Variants in FREM1 observed in about 807,000 individuals in gnomAD.
FREM1 encodes FRAS1 related extracellular matrix 1, also known as FRAS1-related extracellular matrix protein 1.
Under a neutral mutation model 210.1 loss-of-function variants are expected in FREM1, and 220 were observed. The observed-to-expected ratio is 1.05, with a 90% CI of 0.94 to 1.17. The LOEUF (loss-of-function observed/expected upper bound fraction) is 1.17. FREM1 is among the 50% of genes most tolerant of loss of function. The pLI is 0.00. For missense variants in FREM1, 3,454 were observed against 2,675.5 expected (o/e 1.29, Z -6.42); for synonymous variants, 1,189 against 980.2 (o/e 1.21, Z -3.98).
intron 15 of FREM1, among the ~76,000 whole-genome samples, chr9:14,813,561 A>G (rs1819770446): frequency 6.6e-6 from 1 of 152,214 alleles, no homozygotes; most frequent in African/African-American, 2.4e-5. Context: ...AATAAGCAGC[A>G]GCTGCATTTC....
chr9:14,907,645 G>A (rs568125069), intron 1 of FREM1, among the ~76,000 whole-genome samples: 1 of 152,334 alleles, frequency 6.6e-6, no homozygotes, highest in Admixed American at 6.5e-5. Flanking sequence ...GCCCTGAAAA[G>A]ATTACACTTG....
At chr9:14,904,141 T>C (rs559133179) in intron 1 of FREM1, among the ~76,000 whole-genome samples, 49 of 147,164 alleles carry the variant, frequency 3.3e-4, no homozygotes, top group African/African-American at 1.2e-3. Context: ...AAAAAAACAC[T>C]TAGACATTTC....
intron 1 of FREM1, among the ~76,000 whole-genome samples, chr9:14,894,456 T>A (rs922569447): frequency 6.6e-6 from 1 of 152,190 alleles, no homozygotes; most frequent in African/African-American, 2.4e-5. Context: ...CAGGTGTTCT[T>A]AAATGCAGGT....
chr9:14,776,343 A>G, intron 24 of FREM1, 140 bp from the exon 25 acceptor site: 1 of 932,944 alleles, frequency 1.1e-6, no homozygotes, highest in Non-Finnish European at 1.5e-6. Context: ...CAGATCTTGC[A>G]GAAAAATCCC....
intron 26 of FREM1, 56 bp downstream of exon 26, chr9:14,770,549 C>G: frequency 2.2e-6 from 3 of 1,345,158 alleles, no homozygotes; most frequent in Non-Finnish European, 3.2e-6. Context: ...CTCTCTAGCC[C>G]TGCCAGCCAC....
chr9:14,749,871 T>C (rs561488682), intron 30 of FREM1, among the ~76,000 whole-genome samples: 5 of 152,214 alleles, frequency 3.3e-5, no homozygotes, highest in African/African-American at 4.8e-5. Context: ...TCCCCCTCGG[T>C]GAGAACAACA....
rs1840555318 is a variant in FREM1, at chr9:14,737,228, T to TCAA, written c.*167_*168insTTG. ...TATCTTATCTTGTAAAAAATATTTA[T>TCAA]TTATCAATCTTTCTGGCACTATTAA... On this transcript the variant is annotated 3_prime_UTR_variant, in exon 37 of 37. Coordinates refer to ENST00000380880, the MANE Select transcript of FREM1 (RefSeq NM_001379081.2). 3.8e-6 allele frequency: 2 copies of TCAA among 531,010 alleles called. No homozygotes were observed. Among genetic ancestry groups the TCAA allele is most frequent in the African/African-American group, 1.9e-5 (1 of 52,110 alleles). 32.9% of individuals were successfully genotyped at this position (531,010 alleles called of 1,614,324 possible). A position where few individuals can be genotyped will look rare whatever the true frequency, so the allele number is the denominator to read the frequency against.
chr9:14,855,200 T>A (rs985897458), intron 5 of FREM1, among the ~76,000 whole-genome samples: 1 of 152,066 alleles, frequency 6.6e-6, no homozygotes, highest in African/African-American at 2.4e-5. Flanking sequence ...TGACAAAGAA[T>A]AAGTAGGTAA....
intron 29 of FREM1, among the ~76,000 whole-genome samples, chr9:14,755,537 G>C (rs918512100): frequency 6.6e-6 from 1 of 152,176 alleles, no homozygotes; most frequent in East Asian, 1.9e-4. Flanking sequence ...CAGGGAAATA[G>C]AGAGTGGCAT....
chr9:14,853,298 C>T (rs1828102087), intron 5 of FREM1, among the ~76,000 whole-genome samples: 1 of 152,150 alleles, frequency 6.6e-6, no homozygotes, highest in Admixed American at 6.5e-5. Flanking sequence ...GCCTAGTGGG[C>T]AGAGGGCTGG....
intron 1 of FREM1, among the ~76,000 whole-genome samples, chr9:14,895,646 T>C (rs1321349701): frequency 1.3e-5 from 2 of 152,016 alleles, no homozygotes; most frequent in South Asian, 2.1e-4. Context: ...ATATTGCTGT[T>C]GTACTCTTTG....
At chr9:14,805,188 A>C (rs1818139544) in intron 18 of FREM1, 36 bp from the exon 19 acceptor site, 1 of 1,372,036 alleles carries the variant, frequency 7.3e-7, no homozygotes, top group African/African-American at 1.4e-5. Flanking sequence ...TAAATAAAAA[A>C]AAAATTTTTC....
At chr9:14,830,953 G>C (rs932203101) in intron 10 of FREM1, among the ~76,000 whole-genome samples, 18 of 152,162 alleles carry the variant, frequency 1.2e-4, no homozygotes, top group African/African-American at 4.3e-4. Flanking sequence ...TAACTCAACA[G>C]GCATCCATCA....
chr9:14,776,303 C>T (rs991993328), intron 24 of FREM1, 100 bp from the exon 25 acceptor site: 38 of 1,304,052 alleles, frequency 2.9e-5, no homozygotes, highest in African/African-American at 1.0e-4. Flanking sequence ...AGGGTATTGT[C>T]GTGTTGTGAC....
intron 18 of FREM1, 79 bp downstream of exon 18, chr9:14,806,582 G>C (rs1818411277): frequency 2.3e-6 from 2 of 867,594 alleles, no homozygotes; most frequent in East Asian, 5.3e-5. Context: ...TCCTTACAAA[G>C]TTATTAAGCA....
chr9:14,821,647 G>T lies in FREM1; in HGVS notation c.2337+1513C>A, dbSNP rs148629354. 6.7e-3 allele frequency among the ~76,000 whole-genome samples: 1,022 copies of T among 152,276 alleles called. 14 individuals carry two copies. Among genetic ancestry groups the T allele is most frequent in the African/African-American group, 0.024 (977 of 41,564 alleles). On this transcript the variant is annotated intron_variant, in intron 13 of 36. Transcript: ENST00000380880. ...GAATGGAGTTAGTTTAAAATCCTCC[G>T]TGTGAGCCCTTTGGCAGGTTTTCTA...
chr9:14,861,010 T>TATATAC (rs1830178242), intron 3 of FREM1, among the ~76,000 whole-genome samples: 1 of 113,706 alleles, frequency 8.8e-6, no homozygotes, highest in South Asian at 2.5e-4. Flanking sequence ...TACACATATA[T>TATATAC]ACATATATAC....
At chr9:14,888,071 T>A (rs1836133793) in intron 1 of FREM1, among the ~76,000 whole-genome samples, 2 of 152,216 alleles carry the variant, frequency 1.3e-5, no homozygotes, top group African/African-American at 4.8e-5. Context: ...GTGCTGGGAT[T>A]ACAGGTGTGA....
At chr9:14,785,088 T>G (rs1850209977) in intron 23 of FREM1, among the ~76,000 whole-genome samples, 1 of 152,210 alleles carries the variant, frequency 6.6e-6, no homozygotes, top group African/African-American at 2.4e-5. Flanking sequence ...CCCAGCTATG[T>G]ACTTGAAAGA....
Sources: gnomAD v4.1 joint callset for allele counts (sites outside exome capture counted in the v4.1 genomes callset) on GRCh38, gnomAD v4.1.1 for gene constraint, MANE v1.5 for transcripts, NCBI Gene and HGNC (gene_info 2026-07-23, HGNC 2026-07-21) for gene names.